The following KL variants were observed in gnomAD, a reference collection of about 807,000 sequenced individuals.
KL encodes klotho.
KL carries 62 observed loss-of-function variants against 84.2 expected under a neutral mutation model. The observed-to-expected ratio is 0.74, with a 90% confidence interval of 0.60 to 0.91. KL has a LOEUF of 0.91. Among genes scored for constraint, KL ranks in the 40% least tolerant of loss-of-function variants. The pLI, the probability that KL is intolerant of heterozygous loss-of-function variation, is 0.00. For synonymous variants in KL, 528 were observed against 528.0 expected, an observed-to-expected ratio of 1.00 and a Z score of 0.00; for missense variants, 1,261 against 1,305.7, an observed-to-expected ratio of 0.97 and a Z score of 0.53.
At chr13:33,047,945 G>C (rs7326387) in intron 1 of KL, among the ~76,000 whole-genome samples, 2 of 151,412 alleles carry the variant, frequency 1.3e-5, no homozygotes. Context: ...TGTTTATTTC[G>C]CTTTTCAGTT....
chr13:33,048,023 A>G (rs564035191), intron 1 of KL, among the ~76,000 whole-genome samples: 1 of 152,142 alleles, frequency 6.6e-6, no homozygotes, highest in Non-Finnish European at 1.5e-5. Flanking sequence ...CATTATATCT[A>G]TCTTTTCTTT....
intron 1 of KL, among the ~76,000 whole-genome samples, chr13:33,029,712 C>T (rs1472378799): frequency 6.6e-6 from 1 of 152,174 alleles, no homozygotes; most frequent in African/African-American, 2.4e-5. Flanking sequence ...CGGCTCACTC[C>T]AAGCTCCGCC....
chr13:33,025,304 C>A (rs1440675177), intron 1 of KL, among the ~76,000 whole-genome samples: 1 of 152,162 alleles, frequency 6.6e-6, no homozygotes, highest in Non-Finnish European at 1.5e-5. Flanking sequence ...TTGGACTTTG[C>A]AGATCCTACA....
In KL at chr13:33,062,844, C is replaced by T. The variant is rs1215499635; in HGVS notation, c.2702-1005C>T. 1.3e-5 allele frequency among the ~76,000 whole-genome samples: 2 copies of T among 151,676 alleles called. 1 individual carries two copies. The highest frequency in any genetic ancestry group is 4.2e-4 in the South Asian group (2 of 4,808). The stretch of plus-strand genomic sequence containing the variant: ...AAGATTTATTTGTAAGGGGACCAAG[C>T]GAGGGGGTGGGAGAATAACTTCCAA... On this transcript the variant is annotated intron_variant, in intron 4 of 4. Transcript: ENST00000380099.
At chr13:33,050,417 G>T (rs1871699659) in intron 1 of KL, among the ~76,000 whole-genome samples, 1 of 152,172 alleles carries the variant, frequency 6.6e-6, no homozygotes, top group African/African-American at 2.4e-5. Flanking sequence ...TGTACCATCC[G>T]CAAAGGGAGT....
At chr13:33,033,694 G>A (rs1871055278) in intron 1 of KL, among the ~76,000 whole-genome samples, 1 of 151,772 alleles carries the variant, frequency 6.6e-6, no homozygotes, top group South Asian at 2.1e-4. Context: ...TCTCCTGGAG[G>A]CCCCCGGAAC....
upstream of KL, chr13:33,016,400 G>T: frequency 1.9e-6 from 1 of 534,978 alleles, no homozygotes; most frequent in South Asian, 7.9e-5. Flanking sequence ...CGGGCATAAA[G>T]GGGCGCGGCG....
At chr13:33,047,428 C>T (rs1367714508) in intron 1 of KL, among the ~76,000 whole-genome samples, 1 of 151,028 alleles carries the variant, frequency 6.6e-6, no homozygotes, top group Non-Finnish European at 1.5e-5. Flanking sequence ...TCTTGGCTCA[C>T]TGCAATCTCT....
At chr13:33,051,524 C>T (rs1871749136) in intron 1 of KL, among the ~76,000 whole-genome samples, 1 of 151,938 alleles carries the variant, frequency 6.6e-6, no homozygotes, top group African/African-American at 2.4e-5. Flanking sequence ...GAGTGAGACC[C>T]AGTCTTAAAA....
At chr13:33,049,431 A>C (rs1407185412) in intron 1 of KL, among the ~76,000 whole-genome samples, 1 of 152,216 alleles carries the variant, frequency 6.6e-6, no homozygotes, top group Non-Finnish European at 1.5e-5. Flanking sequence ...ACTTAAATAA[A>C]TGCAATAATA....
At chr13:33,056,055 A>G (rs909892028) in intron 3 of KL, among the ~76,000 whole-genome samples, 6 of 152,162 alleles carry the variant, frequency 3.9e-5, no homozygotes, top group African/African-American at 1.4e-4. Context: ...GGTAGAGGGT[A>G]TACTGAGATG....
chr13:33,061,360 G>T lies in KL; in HGVS notation c.2281G>T (p.Ala761Ser). ...RVLEFDIGWL[A>S]EPIFGSGDYP... ...TTTGGAATTTGACATTGGCTGGCTG[G>T]CTGAGCCCATTTTCGGCTCTGGAGA... The change falls in exon 4 of 5, where the codon GCT becomes TCT. Residue 761 changes from alanine to serine, a missense_variant. Ala to Ser is a moderately conservative substitution (Grantham distance 99, BLOSUM62 1). Coordinates refer to ENST00000380099, the MANE Select transcript of KL (RefSeq NM_004795.4). The T allele has an allele frequency of 1.2e-6, 2 of 1,614,170 alleles. No homozygotes were observed. Among genetic ancestry groups the T allele is most frequent in the Non-Finnish European group, 1.7e-6 (2 of 1,180,014 alleles).
intron 4 of KL, 119 bp downstream of exon 4, chr13:33,061,899 T>G: frequency 9.7e-7 from 1 of 1,032,504 alleles, no homozygotes; most frequent in Non-Finnish European, 1.5e-6. Flanking sequence ...CTATCCATTT[T>G]GTGCCTCACT....
At chr13:33,042,230 C>T (rs746924824) in intron 1 of KL, among the ~76,000 whole-genome samples, 1 of 151,990 alleles carries the variant, frequency 6.6e-6, no homozygotes, top group Non-Finnish European at 1.5e-5. Flanking sequence ...ATTTATTAAT[C>T]TATAGATCTT....
chr13:33,027,135 A>G (rs1386537679), intron 1 of KL, among the ~76,000 whole-genome samples: 1 of 152,210 alleles, frequency 6.6e-6, no homozygotes, highest in Non-Finnish European at 1.5e-5. Flanking sequence ...CAAGGACCCC[A>G]GCGCTACTCC....
intron 1 of KL, among the ~76,000 whole-genome samples, chr13:33,027,110 T>A (rs1870806472): frequency 6.6e-6 from 1 of 152,192 alleles, no homozygotes; most frequent in Non-Finnish European, 1.5e-5. Flanking sequence ...CTGTGTTAAG[T>A]TCCAGTTCCT....
intron 3 of KL, among the ~76,000 whole-genome samples, chr13:33,056,447 ATTC>A (rs1467901933): frequency 6.6e-6 from 1 of 152,166 alleles, no homozygotes; most frequent in Non-Finnish European, 1.5e-5. Flanking sequence ...GGTTGGGATT[ATTC>A]TTCTTTTTCA....
chr13:33,020,024 T>C (rs1870517087), intron 1 of KL, among the ~76,000 whole-genome samples: 1 of 152,164 alleles, frequency 6.6e-6, no homozygotes, highest in African/African-American at 2.4e-5. Context: ...GTATATGGGT[T>C]CTAAGAGGAT....
chr13:33,064,294 A>G lies in KL; in HGVS notation c.*108A>G. On this transcript the variant is annotated 3_prime_UTR_variant, in exon 5 of 5. Coordinates refer to ENST00000380099, the MANE Select transcript of KL (RefSeq NM_004795.4). Reference sequence around the variant, plus strand: ...TGAAACTGTAAATTTCATACATTTGACTTCTAGAAAACATTTTTGTGGCTT... The same window carrying G: ...TGAAACTGTAAATTTCATACATTTGGCTTCTAGAAAACATTTTTGTGGCTT... The G allele has an allele frequency of 2.3e-6, 2 of 871,086 alleles. No homozygotes were observed. Among genetic ancestry groups the G allele is most frequent in the Non-Finnish European group, 3.5e-6 (2 of 566,896 alleles). 54.0% of individuals were successfully genotyped at this position (871,086 alleles called of 1,614,324 possible). A position where few individuals can be genotyped will look rare whatever the true frequency, so the allele number is the denominator to read the frequency against.
Sources: gnomAD v4.1 joint callset for allele counts (sites outside exome capture counted in the v4.1 genomes callset) on GRCh38, gnomAD v4.1.1 for gene constraint, MANE v1.5 for transcripts, NCBI Gene and HGNC (gene_info 2026-07-23, HGNC 2026-07-21) for gene names.